SLC13A1: variants seen among roughly 807,000 people sequenced by gnomAD.
SLC13A1 encodes solute carrier family 13 member 1, also known as Na(+)/sulfate cotransporter.
A neutral mutation model predicts 70.0 loss-of-function variants in SLC13A1; 65 were observed. That is an observed-to-expected ratio of 0.93 (90% confidence interval 0.76 to 1.14). The LOEUF (loss-of-function observed/expected upper bound fraction) is 1.14, where lower values mean the gene tolerates loss of function less well. SLC13A1 is among the 50% of genes most tolerant of loss of function. SLC13A1 has a pLI of 0.00. For missense variants in SLC13A1, 726 were observed against 717.8 expected (o/e 1.01, Z -0.13); for synonymous variants, 275 against 250.5 (o/e 1.10, Z -0.92).
rs1466020941 is a variant in SLC13A1 at position 123,134,412 on chromosome 7, G to A, written c.930C>T (p.Phe310=). The A allele has an allele frequency of 6.2e-7, 1 of 1,612,422 alleles. No individual in the cohort carries two copies. The highest frequency in any genetic ancestry group is 8.5e-7 in the Non-Finnish European group (1 of 1,179,164). Reference sequence around the variant, plus strand: ...ATTAACATGAAATATTTACTTACTTGAATCCTAGGAAAAGCCACTGAAGCC... The same window carrying A: ...ATTAACATGAAATATTTACTTACTTAAATCCTAGGAAAAGCCACTGAAGCC... ...WIWLQWLFLG[F]NFKEMFKCGK... Residue 310 remains phenylalanine, a splice_region_variant and synonymous_variant, in exon 8 of 15, where the codon TTC becomes TTT. Transcript: ENST00000194130.
chr7:123,148,202 G>C (rs956401032), intron 6 of SLC13A1, among the ~76,000 whole-genome samples: 2 of 151,908 alleles, frequency 1.3e-5, no homozygotes, highest in Non-Finnish European at 2.9e-5. Context: ...ATTATATTTT[G>C]ATCTCCTGGT....
intron 2 of SLC13A1, among the ~76,000 whole-genome samples, chr7:123,174,844 T>C (rs765056275): frequency 6.6e-6 from 1 of 151,956 alleles, no homozygotes; most frequent in Non-Finnish European, 1.5e-5. Context: ...CAGAAGTGCT[T>C]TAACACTTGC....
At chr7:123,155,967 A>T in intron 6 of SLC13A1, among the ~76,000 whole-genome samples, 1 of 152,088 alleles carries the variant, frequency 6.6e-6, no homozygotes, top group Non-Finnish European at 1.5e-5. Flanking sequence ...TTGTCTGAAG[A>T]TCATATTTCT....
rs1189271548 is a variant in SLC13A1 at position 123,114,295 on chromosome 7, A to G, written c.*1223T>C. On this transcript the variant is annotated 3_prime_UTR_variant, in exon 15 of 15. Coordinates refer to ENST00000194130, the MANE Select transcript of SLC13A1 (RefSeq NM_022444.4). ...TTATTTATTGATATATAATATTTGTACATATTTTGGGGGTGTATGTGATAT... is the reference window on the plus strand; with the variant it reads ...TTATTTATTGATATATAATATTTGTGCATATTTTGGGGGTGTATGTGATAT... 1 of 151,998 alleles carries G rather than the reference A, an allele frequency of 6.6e-6. No homozygotes were observed. The highest frequency in any genetic ancestry group is 2.4e-5 in the African/African-American group (1 of 41,382). 9.4% of individuals were successfully genotyped at this position (151,998 alleles called of 1,614,324 possible). A position where few individuals can be genotyped will look rare whatever the true frequency, so the allele number is the denominator to read the frequency against.
intron 6 of SLC13A1, among the ~76,000 whole-genome samples, chr7:123,150,111 T>C (rs1357363524): frequency 6.6e-6 from 1 of 152,164 alleles, no homozygotes; most frequent in Non-Finnish European, 1.5e-5. Context: ...GCTGTAATGA[T>C]GTTGCTCCTC....
At chr7:123,150,611 G>T (rs1794521833) in intron 6 of SLC13A1, among the ~76,000 whole-genome samples, 1 of 152,004 alleles carries the variant, frequency 6.6e-6, no homozygotes, top group Admixed American at 6.6e-5. Flanking sequence ...CATCTTGCTT[G>T]TCTCCTCATT....
intron 10 of SLC13A1, among the ~76,000 whole-genome samples, chr7:123,126,773 A>T (rs1048234246): frequency 6.6e-6 from 1 of 152,082 alleles, no homozygotes; most frequent in Admixed American, 6.6e-5. Flanking sequence ...TAATTTTATT[A>T]TACCTTATTT....
chr7:123,145,273 A>G (rs576531571), intron 7 of SLC13A1, among the ~76,000 whole-genome samples: 1 of 152,290 alleles, frequency 6.6e-6, no homozygotes, highest in East Asian at 1.9e-4. Context: ...ACTGATAGTC[A>G]CAGAAGTTAA....
At chr7:123,137,482 G>GCT (rs967806037) in intron 7 of SLC13A1, among the ~76,000 whole-genome samples, 1 of 152,178 alleles carries the variant, frequency 6.6e-6, no homozygotes, top group African/African-American at 2.4e-5. Flanking sequence ...CTGCTGGCCT[G>GCT]AAGAAGCAAA....
intron 10 of SLC13A1, among the ~76,000 whole-genome samples, chr7:123,126,121 A>T (rs2116294254): frequency 6.6e-6 from 1 of 152,326 alleles, no homozygotes; most frequent in South Asian, 2.1e-4. Flanking sequence ...AAGGCGTGAT[A>T]TTTCTGTGTT....
intron 1 of SLC13A1, among the ~76,000 whole-genome samples, chr7:123,195,093 A>G (rs984732754): frequency 1.3e-5 from 2 of 152,182 alleles, no homozygotes; most frequent in Non-Finnish European, 2.9e-5. Flanking sequence ...TTCTGCTTAT[A>G]TCACACAATT....
chr7:123,125,970 T>C (rs773480575), intron 10 of SLC13A1, among the ~76,000 whole-genome samples: 7 of 152,208 alleles, frequency 4.6e-5, no homozygotes, highest in Non-Finnish European at 8.8e-5. Flanking sequence ...CCCTTTTAGA[T>C]AAGCTTACAG....
intron 1 of SLC13A1, among the ~76,000 whole-genome samples, chr7:123,196,400 C>T (rs1327092948): frequency 2.0e-5 from 3 of 152,018 alleles, no homozygotes; most frequent in East Asian, 1.9e-4. Context: ...ATTATGACCA[C>T]GGAAGCTATA....
chr7:123,155,700 A>G (rs1794686009), intron 6 of SLC13A1, among the ~76,000 whole-genome samples: 1 of 152,020 alleles, frequency 6.6e-6, no homozygotes, highest in African/African-American at 2.4e-5. Flanking sequence ...ATGTCATCTG[A>G]CTTGGCCTTT....
intron 3 of SLC13A1, 41 bp downstream of exon 3, chr7:123,171,727 T>C: frequency 6.2e-7 from 1 of 1,602,112 alleles, no homozygotes. Flanking sequence ...AAAAATGGTC[T>C]GTTCAGCAGG....
chr7:123,186,698 C>T (rs1273655714), intron 1 of SLC13A1: 1 of 454,396 alleles, frequency 2.2e-6, no homozygotes, highest in Non-Finnish European at 4.4e-6. Flanking sequence ...CAACCTACCC[C>T]CAAGTCTGCT....
chr7:123,196,028 A>T (rs1020421253), intron 1 of SLC13A1, among the ~76,000 whole-genome samples: 1 of 152,118 alleles, frequency 6.6e-6, no homozygotes, highest in South Asian at 2.1e-4. Context: ...GTAAGGAAAT[A>T]GTATTGACTG....
At chr7:123,184,506 C>G (rs1309362333) in intron 1 of SLC13A1, among the ~76,000 whole-genome samples, 2 of 152,052 alleles carry the variant, frequency 1.3e-5, no homozygotes, top group Admixed American at 6.6e-5. Flanking sequence ...ACATCACATG[C>G]TATTTGTCTT....
intron 12 of SLC13A1, among the ~76,000 whole-genome samples, chr7:123,122,149 A>G (rs1017292063): frequency 5.3e-5 from 8 of 152,140 alleles, no homozygotes; most frequent in African/African-American, 1.9e-4. Flanking sequence ...TCCAATCCAG[A>G]CACATAACTC....
Sources: gnomAD v4.1 joint callset for allele counts (sites outside exome capture counted in the v4.1 genomes callset) on GRCh38, gnomAD v4.1.1 for gene constraint, MANE v1.5 for transcripts, NCBI Gene and HGNC (gene_info 2026-07-23, HGNC 2026-07-21) for gene names.